LRRCC1: variants seen among roughly 807,000 people sequenced by gnomAD.
The protein encoded by LRRCC1 is leucine-rich repeat and coiled-coil domain-containing protein 1.
Under a neutral mutation model 126.0 loss-of-function variants are expected in LRRCC1, and 115 were observed. That is an observed-to-expected ratio of 0.91 (90% CI 0.78 to 1.07). The LOEUF is 1.07. LRRCC1 is among the 50% of genes least tolerant of loss of function. The pLI, the probability that LRRCC1 is intolerant of heterozygous loss-of-function variation, is 0.00. For synonymous variants in LRRCC1, 400 were observed against 393.4 expected, an observed-to-expected ratio of 1.02 and a Z score of -0.20; for missense variants, 1,172 against 1,175.7, an observed-to-expected ratio of 1.00 and a Z score of 0.05.
intron 12 of LRRCC1, among the ~76,000 whole-genome samples, chr8:85,133,962 C>T (rs1405680228): frequency 6.6e-6 from 1 of 152,142 alleles, no homozygotes; most frequent in Non-Finnish European, 1.5e-5. Flanking sequence ...CCTCTGAGTT[C>T]ATCTCCTACT....
chr8:85,118,976 TA>T (rs1809318553), intron 6 of LRRCC1, among the ~76,000 whole-genome samples: 1 of 152,182 alleles, frequency 6.6e-6, no homozygotes, highest in African/African-American at 2.4e-5. Flanking sequence ...CTAAAAGTTT[TA>T]ATGGTTTTAC....
chr8:85,142,066 C>T (rs575760557), intron 18 of LRRCC1, among the ~76,000 whole-genome samples: 25 of 152,192 alleles, frequency 1.6e-4, no homozygotes, highest in African/African-American at 3.4e-4. Flanking sequence ...GAGGCCAAGG[C>T]GGGTGGATCA....
intron 11 of LRRCC1, 56 bp downstream of exon 11, chr8:85,130,114 T>A: frequency 1.7e-5 from 19 of 1,131,942 alleles, no homozygotes; most frequent in Non-Finnish European, 2.2e-5. Flanking sequence ...AAAAGAAAGC[T>A]ACTGGTTCCC....
chr8:85,138,533 G>T, intron 17 of LRRCC1, 58 bp downstream of exon 17: 1 of 1,494,072 alleles, frequency 6.7e-7, no homozygotes, highest in East Asian at 2.3e-5. Flanking sequence ...CTGTGGAATG[G>T]GTGAAATACG....
intron 3 of LRRCC1, among the ~76,000 whole-genome samples, chr8:85,112,607 G>A (rs1467888279): frequency 6.6e-6 from 1 of 152,200 alleles, no homozygotes; most frequent in African/African-American, 2.4e-5. Context: ...CTGATGTGTC[G>A]AGAGAGCCTA....
At chr8:85,129,406 A>C in intron 10 of LRRCC1, 27 bp downstream of exon 10, 1 of 1,535,032 alleles carries the variant, frequency 6.5e-7, no homozygotes, top group Non-Finnish European at 8.9e-7. Context: ...ATATATGAGT[A>C]GCACAGATTA....
At chr8:85,114,801 C>G (rs1330068122) in intron 4 of LRRCC1, among the ~76,000 whole-genome samples, 1 of 151,958 alleles carries the variant, frequency 6.6e-6, no homozygotes. Flanking sequence ...TAAATTTCTA[C>G]TAGTTTTATG....
At chr8:85,127,272 C>T (rs1810086695) in intron 9 of LRRCC1, among the ~76,000 whole-genome samples, 1 of 151,418 alleles carries the variant, frequency 6.6e-6, no homozygotes, top group Non-Finnish European at 1.5e-5. Flanking sequence ...CTATCCTCAC[C>T]ATTACGTCTC....
intron 12 of LRRCC1, among the ~76,000 whole-genome samples, chr8:85,132,197 A>G (rs1810518772): frequency 6.6e-6 from 1 of 152,194 alleles, no homozygotes; most frequent in Non-Finnish European, 1.5e-5. Flanking sequence ...GAATCTGAGA[A>G]CCTGAATTCC....
intron 1 of LRRCC1, among the ~76,000 whole-genome samples, chr8:85,108,299 C>G (rs1394652433): frequency 6.6e-6 from 1 of 152,222 alleles, no homozygotes; most frequent in African/African-American, 2.4e-5. Flanking sequence ...CTATTTAATA[C>G]TAGCTGCCAT....
intron 6 of LRRCC1, among the ~76,000 whole-genome samples, chr8:85,121,474 T>C (rs969924489): frequency 6.6e-6 from 1 of 152,128 alleles, no homozygotes; most frequent in Non-Finnish European, 1.5e-5. Context: ...GGAGTTTCAT[T>C]CTTGTTGCCC....
chr8:85,107,274 C>T lies in LRRCC1; in HGVS notation c.-22C>T. The T allele has an allele frequency of 6.3e-7, 1 of 1,598,076 alleles. No homozygotes were observed. Among genetic ancestry groups the T allele is most frequent in the Non-Finnish European group, 8.5e-7 (1 of 1,172,102 alleles). On this transcript the variant is annotated 5_prime_UTR_variant, in exon 1 of 19. Coordinates refer to ENST00000360375, the MANE Select transcript of LRRCC1 (RefSeq NM_033402.5). ...CCCCTCGCTGGGTGCCGGTTAAGAC[C>T]CCGCTCCCCGTCGCCAGTGCTATGG...
At chr8:85,115,649 A>C in intron 6 of LRRCC1, 65 bp downstream of exon 6, 1 of 1,229,280 alleles carries the variant, frequency 8.1e-7, no homozygotes, top group Non-Finnish European at 1.1e-6. Flanking sequence ...AGAAAATGTA[A>C]AATAAAAATT....
chr8:85,107,581 G>A (rs1185639742), intron 1 of LRRCC1, 182 bp downstream of exon 1: 9 of 528,106 alleles, frequency 1.7e-5, no homozygotes, highest in Admixed American at 3.3e-5. Context: ...CAGGTTGAAT[G>A]AGCCGTGGAT....
rs544046279 is a variant in LRRCC1 at position 85,112,942 on chromosome 8, C to T, written c.387C>T (p.Pro129=). 1.2e-4 allele frequency: 191 copies of T among 1,565,748 alleles called. 1 individual carries two copies. In the South Asian group the frequency reaches 2.2e-3, roughly 18 times the overall value. ...NHIDDLSGLI[P]LHGIKHKLRY... ...ATGTTCCTATTGCAGGATTGATTCCCCTTCATGGAATTAAGCATAAACTTA... is the reference window on the plus strand; with the variant it reads ...ATGTTCCTATTGCAGGATTGATTCCTCTTCATGGAATTAAGCATAAACTTA... The change falls in exon 4 of 19, where the codon CCC becomes CCT. Residue 129 remains proline (P), a synonymous_variant. Transcript: ENST00000360375.
intron 6 of LRRCC1, among the ~76,000 whole-genome samples, chr8:85,117,291 A>G (rs1809198483): frequency 6.6e-6 from 1 of 152,204 alleles, no homozygotes; most frequent in African/African-American, 2.4e-5. Context: ...AAATTCTTCA[A>G]CTATGTCATG....
At chr8:85,121,759 C>G (rs919884265) in intron 6 of LRRCC1, among the ~76,000 whole-genome samples, 8 of 152,042 alleles carry the variant, frequency 5.3e-5, no homozygotes, top group African/African-American at 1.9e-4. Flanking sequence ...TCACAATTCT[C>G]TAGGTTTTGT....
intron 10 of LRRCC1, 123 bp from the exon 11 acceptor site, chr8:85,129,791 ATTTAT>A: frequency 1.4e-6 from 1 of 690,220 alleles, no homozygotes; most frequent in Non-Finnish European, 2.3e-6. Context: ...AACATCATTA[ATTTAT>A]TAAAGTTTGA....
intron 17 of LRRCC1, among the ~76,000 whole-genome samples, chr8:85,139,094 C>A (rs1450151427): frequency 6.6e-6 from 1 of 151,928 alleles, no homozygotes; most frequent in Non-Finnish European, 1.5e-5. Context: ...GTTTTTATTA[C>A]GATGAGCATT....
Sources: gnomAD v4.1 joint callset for allele counts (sites outside exome capture counted in the v4.1 genomes callset) on GRCh38, gnomAD v4.1.1 for gene constraint, MANE v1.5 for transcripts, NCBI Gene and HGNC (gene_info 2026-07-23, HGNC 2026-07-21) for gene names.